DDHD1: variants seen among roughly 807,000 people sequenced by gnomAD.
DDHD1 encodes DDHD domain containing 1.
A neutral mutation model predicts 96.4 loss-of-function variants in DDHD1; 49 were observed. The ratio of observed to expected loss-of-function variants is 0.51; its 90% confidence interval spans 0.40 to 0.64. The LOEUF is 0.64. Among genes scored for constraint, DDHD1 ranks in the 30% least tolerant of loss-of-function variants. The probability of loss-of-function intolerance (pLI) is 0.00; values close to 1 mark genes in which losing one functional copy is unlikely to be tolerated. For synonymous variants in DDHD1, 442 were observed against 446.5 expected (o/e 0.99, Z 0.13); for missense variants, 1,106 against 1,161.2 (o/e 0.95, Z 0.69).
intron 1 of DDHD1, among the ~76,000 whole-genome samples, chr14:53,141,861 G>C (rs1379707940): frequency 2.6e-5 from 4 of 152,160 alleles, no homozygotes; most frequent in Non-Finnish European, 4.4e-5. Flanking sequence ...ATAGGCTGAA[G>C]TAATTTTGAT....
chr14:53,146,098 T>C (rs1317782565), intron 1 of DDHD1, among the ~76,000 whole-genome samples: 1 of 151,798 alleles, frequency 6.6e-6, no homozygotes, highest in South Asian at 2.1e-4. Flanking sequence ...CTCAGCTACT[T>C]GGGAGGCTGA....
chr14:53,144,044 T>C (rs897081410), intron 1 of DDHD1, among the ~76,000 whole-genome samples: 1 of 152,192 alleles, frequency 6.6e-6, no homozygotes. Flanking sequence ...CAACCCAGTA[T>C]TCCAAGATTA....
chr14:53,121,814 T>C (rs1474453152), intron 1 of DDHD1, among the ~76,000 whole-genome samples: 1 of 151,554 alleles, frequency 6.6e-6, no homozygotes, highest in Non-Finnish European at 1.5e-5. Flanking sequence ...ACCTAATGCA[T>C]GCAGGGCTTA....
At chr14:53,130,953 T>C (rs1302447127) in intron 1 of DDHD1, among the ~76,000 whole-genome samples, 1 of 152,186 alleles carries the variant, frequency 6.6e-6, no homozygotes, top group Non-Finnish European at 1.5e-5. Flanking sequence ...GTTCATCCCC[T>C]TCTTAATCAA....
chr14:53,067,645 C>T (rs958484746), intron 6 of DDHD1, among the ~76,000 whole-genome samples: 1 of 151,980 alleles, frequency 6.6e-6, no homozygotes, highest in African/African-American at 2.4e-5. Context: ...TTAGTAGAGA[C>T]AGAGTTTCTC....
intron 2 of DDHD1, among the ~76,000 whole-genome samples, chr14:53,098,782 G>A (rs1163452183): frequency 6.6e-6 from 1 of 151,970 alleles, no homozygotes; most frequent in Non-Finnish European, 1.5e-5. Flanking sequence ...CCACCAACTT[G>A]TTAAATGTCA....
In DDHD1 at chr14:53,038,556, T is replaced by C. The variant is rs1408151946; in HGVS notation, c.*8212A>G. 6.6e-6 allele frequency: 1 copy of C among 152,100 alleles called. No individual in the cohort carries two copies. Among genetic ancestry groups the C allele is most frequent in the Non-Finnish European group, 1.5e-5 (1 of 68,028 alleles). 9.4% of individuals were successfully genotyped at this position (152,100 alleles called of 1,614,324 possible). ...TGGAAAAACATTCCATGTTCATGGA[T>C]TGGAAGAATCAATATAGTTTAAAAA... On this transcript the variant is annotated 3_prime_UTR_variant, in exon 13 of 13. Transcript: ENST00000673822.
intron 1 of DDHD1, 148 bp downstream of exon 1, chr14:53,152,113 G>GAA: frequency 1.2e-5 from 10 of 833,730 alleles, no homozygotes; most frequent in Admixed American, 3.2e-5. Flanking sequence ...AGCTGCCGAC[G>GAA]CTCCCTGCTC....
intron 2 of DDHD1, among the ~76,000 whole-genome samples, chr14:53,098,741 T>A (rs1405640581): frequency 6.6e-6 from 1 of 152,098 alleles, no homozygotes; most frequent in African/African-American, 2.4e-5. Context: ...GTATATTTAT[T>A]CAGCTACAGT....
chr14:53,108,937 T>C (rs1392221006), intron 1 of DDHD1, among the ~76,000 whole-genome samples: 1 of 152,230 alleles, frequency 6.6e-6, no homozygotes, highest in Non-Finnish European at 1.5e-5. Flanking sequence ...CTGAAACACT[T>C]TCTTTCAAAT....
chr14:53,138,099 T>G (rs1258042812), intron 1 of DDHD1, among the ~76,000 whole-genome samples: 1 of 152,202 alleles, frequency 6.6e-6, no homozygotes, highest in East Asian at 1.9e-4. Context: ...AAGAAATTGT[T>G]TTTTTAAAAA....
At chr14:53,047,341 A>G (rs750777486) in intron 12 of DDHD1, among the ~76,000 whole-genome samples, 4 of 152,182 alleles carry the variant, frequency 2.6e-5, no homozygotes, top group Non-Finnish European at 5.9e-5. Context: ...CTTGCATGCA[A>G]TGATGCCCGT....
intron 1 of DDHD1, among the ~76,000 whole-genome samples, chr14:53,132,431 T>C (rs546896311): frequency 1.0e-3 from 152 of 152,306 alleles, no homozygotes; most frequent in Non-Finnish European, 2.0e-3. Flanking sequence ...TTATTGATGG[T>C]AGTTCTTCCA....
Position 53,091,770 on chromosome 14 carries a change from C to A in DDHD1, c.1289+15G>T. On this transcript the variant is annotated intron_variant, in intron 4 of 12. Coordinates refer to ENST00000673822, the MANE Select transcript of DDHD1 (RefSeq NM_001160148.2). ...TTCTAGATTAGATATACAATGCATT[C>A]ATCAAAGAACTTACATAGCTGTATT... is the stretch of plus-strand genomic sequence containing the variant. 1.2e-6 allele frequency: 2 copies of A among 1,611,214 alleles called. No homozygotes were observed. The highest frequency in any genetic ancestry group is 1.3e-5 in the African/African-American group (1 of 74,962).
intron 8 of DDHD1, among the ~76,000 whole-genome samples, chr14:53,059,863 CAAAAAAAAAAA>C (rs60708379): frequency 2.7e-4 from 5 of 18,514 alleles, no homozygotes; most frequent in Non-Finnish European, 5.5e-4. Context: ...GACTCTGTCT[CAAAAAAAAAAA>C]AAAAAAAAAA....
intron 2 of DDHD1, among the ~76,000 whole-genome samples, chr14:53,097,324 A>G (rs1215884094): frequency 6.6e-6 from 1 of 152,046 alleles, no homozygotes; most frequent in Non-Finnish European, 1.5e-5. Flanking sequence ...AGAAATGCTT[A>G]CAAGACACAA....
rs774646790 is a variant in DDHD1 at position 53,152,784 on chromosome 14, C to T, written c.315G>A (p.Glu105=). The change falls in exon 1 of 13, where the codon GAG becomes GAA. Residue 105 remains glutamate, a synonymous_variant. Coordinates refer to ENST00000673822, the MANE Select transcript of DDHD1 (RefSeq NM_001160148.2). ...AGCTGCCGCCGCCGCCGCTCTCACC[C>T]TCGCTGTAGTAGCGCAGCGAGGAGC... ...ESGSSLRYYS[E]GESGGGGSSL... 12 of 1,606,002 alleles carry T rather than the reference C, an allele frequency of 7.5e-6. No individual in the cohort carries two copies. Among genetic ancestry groups the T allele is most frequent in the Non-Finnish European group, 8.5e-6 (10 of 1,177,550 alleles).
intron 1 of DDHD1, among the ~76,000 whole-genome samples, chr14:53,135,736 C>G (rs1295574446): frequency 6.6e-6 from 1 of 152,222 alleles, no homozygotes; most frequent in Non-Finnish European, 1.5e-5. Flanking sequence ...ACTGGAAGAA[C>G]AGACTTCTAC....
chr14:53,139,469 G>A (rs1890481220), intron 1 of DDHD1, among the ~76,000 whole-genome samples: 1 of 152,152 alleles, frequency 6.6e-6, no homozygotes, highest in Non-Finnish European at 1.5e-5. Flanking sequence ...AATGCTATGG[G>A]AATTTGAAGC....
Sources: allele counts gnomAD v4.1 joint callset (sites outside exome capture counted in the v4.1 genomes callset), GRCh38; gene constraint gnomAD v4.1.1; transcripts MANE v1.5; gene names NCBI Gene and HGNC (gene_info 2026-07-23, HGNC 2026-07-21).